KCNIP4: variants seen among roughly 807,000 people sequenced by gnomAD.
KCNIP4 encodes potassium voltage-gated channel interacting protein 4.
Under a neutral mutation model 34.0 loss-of-function variants are expected in KCNIP4, and 12 were observed. The observed-to-expected ratio is 0.35, with a 90% CI of 0.23 to 0.57. The LOEUF (loss-of-function observed/expected upper bound fraction) is 0.57, where lower values mean the gene tolerates loss of function less well. KCNIP4 is among the 20% of genes least tolerant of loss of function. The pLI is 0.83. For missense variants in KCNIP4, 238 were observed against 311.7 expected, an observed-to-expected ratio of 0.76 and a Z score of 1.78; for synonymous variants, 124 against 102.2, an observed-to-expected ratio of 1.21 and a Z score of -1.29.
intron 1 of KCNIP4, among the ~76,000 whole-genome samples, chr4:21,618,630 C>CTTTTTTTTTTTTTTTTTTTTTT (rs58967707): frequency 1.2e-4 from 10 of 81,784 alleles, no homozygotes; most frequent in Admixed American, 1.6e-4. Context: ...TTTTCTTTTT[C>CTTTTTTTTTTTTTTTTTTTTTT]TTTTTTTTTT....
chr4:21,008,725 C>T (rs1738792474), intron 1 of KCNIP4, among the ~76,000 whole-genome samples: 1 of 151,622 alleles, frequency 6.6e-6, no homozygotes, highest in Admixed American at 6.6e-5. Flanking sequence ...GGGGTTTCAC[C>T]GTGTTATCTA....
At chr4:21,003,875 G>A (rs1289530145) in intron 1 of KCNIP4, among the ~76,000 whole-genome samples, 1 of 152,126 alleles carries the variant, frequency 6.6e-6, no homozygotes, top group African/African-American at 2.4e-5. Context: ...GCAAAGGTAT[G>A]GGGGGTCTGG....
intron 1 of KCNIP4, among the ~76,000 whole-genome samples, chr4:21,028,437 T>C (rs1408680942): frequency 6.6e-6 from 1 of 152,184 alleles, no homozygotes; most frequent in Non-Finnish European, 1.5e-5. Flanking sequence ...TCCATATTCC[T>C]CTGGCTTCCA....
chr4:21,689,029 C>T (rs1560631097), intron 1 of KCNIP4, among the ~76,000 whole-genome samples: 1 of 151,970 alleles, frequency 6.6e-6, no homozygotes, highest in South Asian at 2.1e-4. Context: ...GAGTTAACTG[C>T]TTCATATTTA....
intron 1 of KCNIP4, among the ~76,000 whole-genome samples, chr4:21,579,687 G>A (rs1201560032): frequency 6.6e-6 from 1 of 151,978 alleles, no homozygotes; most frequent in Admixed American, 6.6e-5. Context: ...ATAAACTACT[G>A]ATACTCTCCA....
chr4:21,101,858 T>C (rs1236324785), intron 1 of KCNIP4, among the ~76,000 whole-genome samples: 1 of 152,204 alleles, frequency 6.6e-6, no homozygotes, highest in African/African-American at 2.4e-5. Flanking sequence ...GTCTTAAACA[T>C]AGAAACTATG....
chr4:21,171,852 G>A (rs1754044860), intron 1 of KCNIP4, among the ~76,000 whole-genome samples: 1 of 152,142 alleles, frequency 6.6e-6, no homozygotes, highest in Admixed American at 6.5e-5. Context: ...AAGACACAAG[G>A]AGTCAGCTGA....
chr4:21,313,319 AT>A, intron 1 of KCNIP4, among the ~76,000 whole-genome samples: 1 of 152,298 alleles, frequency 6.6e-6, no homozygotes, highest in Non-Finnish European at 1.5e-5. Context: ...TACAGCTGAC[AT>A]GCTGTACTTC....
chr4:21,807,666 T>A (rs980051514), intron 1 of KCNIP4, among the ~76,000 whole-genome samples: 7 of 152,204 alleles, frequency 4.6e-5, no homozygotes, highest in Non-Finnish European at 8.8e-5. Flanking sequence ...AATACTGCAT[T>A]AGTGTCAGTG....
intron 1 of KCNIP4, among the ~76,000 whole-genome samples, chr4:21,469,825 G>T (rs1449626883): frequency 2.0e-5 from 3 of 152,028 alleles, no homozygotes; most frequent in Non-Finnish European, 4.4e-5. Context: ...AGCTTAAAGG[G>T]CAGGTGTTGA....
In KCNIP4 at chr4:20,802,932, G is replaced by A. The variant is rs560859158; in HGVS notation, c.289-44042C>T. 7.2e-4 allele frequency among the ~76,000 whole-genome samples: 110 copies of A among 151,956 alleles called. 2 individuals are homozygous for A. Among genetic ancestry groups the A allele is most frequent in the Admixed American group, 3.9e-4 (6 of 15,254 alleles). On this transcript the variant is annotated intron_variant, in intron 3 of 8. Transcript: ENST00000382152. The stretch of plus-strand genomic sequence containing the variant: ...CTACTAAAAATACAAAAAATTTGCC[G>A]GGCGTGGTGGCAGGCACCTGTAGTC...
intron 1 of KCNIP4, among the ~76,000 whole-genome samples, chr4:21,823,370 G>C (rs984326495): frequency 6.6e-5 from 10 of 151,668 alleles, no homozygotes; most frequent in Admixed American, 2.0e-4. Context: ...CAAATTAAGT[G>C]TATGCTAGAG....
intron 1 of KCNIP4, among the ~76,000 whole-genome samples, chr4:21,693,993 A>G (rs1469688981): frequency 6.6e-6 from 1 of 152,200 alleles, no homozygotes; most frequent in Non-Finnish European, 1.5e-5. Flanking sequence ...AAATGTGTTC[A>G]GGTCTTGATT....
chr4:21,030,732 T>C (rs1193937540), intron 1 of KCNIP4, among the ~76,000 whole-genome samples: 1 of 152,160 alleles, frequency 6.6e-6, no homozygotes, highest in Non-Finnish European at 1.5e-5. Context: ...ATTACCAGAC[T>C]TTGAGAAAAA....
chr4:21,043,086 A>G (rs751657890), intron 1 of KCNIP4, among the ~76,000 whole-genome samples: 2 of 152,202 alleles, frequency 1.3e-5, no homozygotes, highest in African/African-American at 4.8e-5. Context: ...CTATTCTGTT[A>G]CATTGTGCAG....
chr4:21,644,240 C>T (rs957832232), intron 1 of KCNIP4, among the ~76,000 whole-genome samples: 1 of 152,066 alleles, frequency 6.6e-6, no homozygotes, highest in Non-Finnish European at 1.5e-5. Context: ...GAATGAACTT[C>T]CACCTGAGAA....
At chr4:20,844,672 T>A (rs148015938) in intron 3 of KCNIP4, among the ~76,000 whole-genome samples, 1 of 152,352 alleles carries the variant, frequency 6.6e-6, no homozygotes, top group East Asian at 1.9e-4. Context: ...AAACTTCTCC[T>A]CTTTCCTTTC....
chr4:21,248,001 ACACC>A (rs67282246), intron 1 of KCNIP4, among the ~76,000 whole-genome samples: 20,962 of 122,922 alleles, frequency 0.17, 2,538 homozygotes, highest in African/African-American at 0.35. Flanking sequence ...ACACACACAC[ACACC>A]CCCCACAGGT....
At chr4:20,951,854 A>G (rs1474868351) in intron 1 of KCNIP4, among the ~76,000 whole-genome samples, 1 of 152,210 alleles carries the variant, frequency 6.6e-6, no homozygotes. Context: ...CATGTATTCT[A>G]AAGGGCCCAG....
Sources: gnomAD v4.1 joint callset for allele counts (sites outside exome capture counted in the v4.1 genomes callset) on GRCh38, gnomAD v4.1.1 for gene constraint, MANE v1.5 for transcripts, NCBI Gene and HGNC (gene_info 2026-07-23, HGNC 2026-07-21) for gene names.